Variants in HIRIP3 observed in about 807,000 individuals in gnomAD.
The protein encoded by HIRIP3 is HIRA interacting protein 3, also known as HIRA-interacting protein 3.
A neutral mutation model predicts 50.3 loss-of-function variants in HIRIP3; 40 were observed. That is an observed-to-expected ratio of 0.79 (90% CI 0.62 to 1.03). The LOEUF (loss-of-function observed/expected upper bound fraction) is 1.03. Ranked by LOEUF, HIRIP3 falls within the 50% of genes least tolerant of loss-of-function variation. The pLI is 0.00. For synonymous variants in HIRIP3, 318 were observed against 261.6 expected (o/e 1.22, Z -2.08); for missense variants, 765 against 705.4 (o/e 1.08, Z -0.96).
upstream of HIRIP3, chr16:29,996,023 T>C: frequency 1.7e-6 from 1 of 582,048 alleles, no homozygotes; most frequent in Non-Finnish European, 3.1e-6. Flanking sequence ...GCTTCAAGTG[T>C]CTAAGTACAT....
chr16:29,994,572 C>A lies in HIRIP3; in HGVS notation c.573G>T (p.Gln191His). The change falls in exon 4 of 7, where the codon CAG (glutamine) becomes CAT (histidine). Residue 191 changes from glutamine (Q) to histidine (H), a missense_variant. Coordinates refer to ENST00000279392, the MANE Select transcript of HIRIP3 (RefSeq NM_003609.5). ...APGKASVSRK[Q>H]AREESEESEA... ...CGCTCTCCTCACTTTCTTCCCTGGC[C>A]TGCTTCCTACTGACTGAGGCCTTGC... 6.2e-7 allele frequency: 1 copy of A among 1,614,204 alleles called. No homozygotes were observed. The highest frequency in any genetic ancestry group is 8.5e-7 in the Non-Finnish European group (1 of 1,180,038).
rs2070013709 is a variant in HIRIP3 at position 29,993,564 on chromosome 16, C to T, written c.1409-7G>A. 1.1e-5 allele frequency: 17 copies of T among 1,612,860 alleles called. No individual in the cohort carries two copies. The highest frequency in any genetic ancestry group is 1.4e-5 in the Non-Finnish European group (17 of 1,179,256). The stretch of plus-strand genomic sequence containing the variant: ...TTCCCTAGGGAAGGGGTACCTGGGG[C>T]AGAAGAAGCTGGTGATTCTCTCCTC... On this transcript the variant is annotated splice_polypyrimidine_tract_variant and splice_region_variant and intron_variant, in intron 5 of 6. Transcript: ENST00000279392.
Position 29,994,601 on chromosome 16 carries a change from G to T in HIRIP3, c.544C>A (p.Pro182Thr), listed in dbSNP as rs1379152438. The T allele has an allele frequency of 6.2e-7, 1 of 1,614,034 alleles. No individual in the cohort carries two copies. Among genetic ancestry groups the T allele is most frequent in the African/African-American group, 1.3e-5 (1 of 74,986 alleles). ...TTCCTACTGACTGAGGCCTTGCCTG[G>T]TGCCTGCTTCTTTACCACAGGTTTC... Reference protein sequence around the residue: ...RKKPVVKKQAPGKASVSRKQA... With the variant: ...RKKPVVKKQATGKASVSRKQA... Residue 182 changes from proline (P) to threonine (T), a missense_variant, in exon 4 of 7, where the codon CCA becomes ACA. Transcript: ENST00000279392.
At position 29,995,524 on chromosome 16, in the gene HIRIP3, T is replaced by C; in HGVS notation, c.65+17A>G. On this transcript the variant is annotated intron_variant, in intron 1 of 6. Coordinates refer to ENST00000279392, the MANE Select transcript of HIRIP3 (RefSeq NM_003609.5). The stretch of plus-strand genomic sequence containing the variant: ...CACCCGCGCCCTTTCCAACCCCATC[T>C]CCAACCCCCTGGGCACCTGAGGTCC... The C allele has an allele frequency of 6.2e-7, 1 of 1,613,342 alleles. No homozygotes were observed. Among genetic ancestry groups the C allele is most frequent in the East Asian group, 2.2e-5 (1 of 44,872 alleles).
Position 29,995,209 on chromosome 16 carries a change from T to C in HIRIP3, c.195A>G (p.Glu65=). ...EEELLKMQVD[E]AASREDKLDL... is the part of the protein sequence containing the mutation. ...CCAGTTTGTCTTCCCTGGAAGCGGC[T>C]TCATCCACCTGTGTGTGCGCCAAGA... is the stretch of plus-strand genomic sequence containing the variant. Residue 65 remains glutamate, a synonymous_variant, in exon 3 of 7, where the codon GAA becomes GAG. Coordinates refer to ENST00000279392, the MANE Select transcript of HIRIP3 (RefSeq NM_003609.5). 6.2e-7 allele frequency: 1 copy of C among 1,614,236 alleles called. No homozygotes were observed. Among genetic ancestry groups the C allele is most frequent in the Non-Finnish European group, 8.5e-7 (1 of 1,180,038 alleles).
rs2070047744 is a variant in HIRIP3 at position 29,994,684 on chromosome 16, T to C, written c.461A>G (p.Gln154Arg). The change falls in exon 4 of 7, where the codon CAG becomes CGG. Residue 154 changes from glutamine (Q) to arginine (R), a missense_variant. Coordinates refer to ENST00000279392, the MANE Select transcript of HIRIP3 (RefSeq NM_003609.5). ...DEERQRDLPA[Q>R]RGEESSEEEE... The stretch of plus-strand genomic sequence containing the variant: ...CTCCTCACTGCTCTCCTCTCCCCTC[T>C]GTGCGGGCAGGTCCCTCTGCCGTTC... The C allele has an allele frequency of 1.9e-6, 3 of 1,614,176 alleles. No individual in the cohort carries two copies. Among genetic ancestry groups the C allele is most frequent in the South Asian group, 1.1e-5 (1 of 91,092 alleles).
Position 29,993,212 on chromosome 16 carries a change from T to G in HIRIP3, c.1666A>C (p.Asn556His). 2.5e-6 allele frequency: 4 copies of G among 1,591,990 alleles called. No individual in the cohort carries two copies. The highest frequency in any genetic ancestry group is 3.4e-6 in the Non-Finnish European group (4 of 1,168,316). ...CCTCCTGGGGGTGGCAGAGCTCAGT[T>G]ACTCTCGCCATCACTGCTGATGATG... ...RGIISSDGES[N>H] Residue 556 changes from asparagine to histidine, a missense_variant, in exon 7 of 7, where the codon AAC becomes CAC. By Grantham distance (68) the Asn-to-His change is moderately conservative. Coordinates refer to ENST00000279392, the MANE Select transcript of HIRIP3 (RefSeq NM_003609.5).
chr16:29,995,652 C>T (rs913841475), upstream of HIRIP3: 21 of 1,600,892 alleles, frequency 1.3e-5, 1 homozygote, highest in Admixed American at 1.2e-4. Context: ...TTCTTCTCGG[C>T]CTCCGTCAGC....
In HIRIP3 at chr16:29,993,487, C is replaced by G; in HGVS notation, c.1479G>C (p.Leu493Phe). 6.2e-7 allele frequency: 1 copy of G among 1,613,782 alleles called. No individual in the cohort carries two copies. The highest frequency in any genetic ancestry group is 1.1e-5 in the South Asian group (1 of 91,074). The change falls in exon 6 of 7, where the codon TTG becomes TTC. Residue 493 changes from leucine (L) to phenylalanine (F), a missense_variant. By Grantham distance (22) the Leu-to-Phe change is conservative (BLOSUM62 0). Transcript: ENST00000279392. ...AGCCACTGATGATGTTCGCAACATC[C>G]AAGGAGGCCACCTCAGCTGCCTCCT... is the stretch of plus-strand genomic sequence containing the variant. ...QREEAAEVAS[L>F]DVANIISGSG...
Position 29,993,794 on chromosome 16 carries a change from G to A in HIRIP3, c.1254C>T (p.Arg418=). Residue 418 remains arginine (R), a synonymous_variant, in exon 5 of 7, where the codon CGC becomes CGT. Coordinates refer to ENST00000279392, the MANE Select transcript of HIRIP3 (RefSeq NM_003609.5). The part of the protein sequence containing the change: ...EAKGGKAGSG[R]RGEDHPAVMR... ...TCACAGCCGGGTGGTCCTCTCCACGGCGACCTGAGCCAGCCTAGCAAGGAA... is the reference window on the plus strand; with the variant it reads ...TCACAGCCGGGTGGTCCTCTCCACGACGACCTGAGCCAGCCTAGCAAGGAA... 1.2e-6 allele frequency: 2 copies of A among 1,612,350 alleles called. No individual in the cohort carries two copies. The highest frequency in any genetic ancestry group is 8.5e-7 in the Non-Finnish European group (1 of 1,179,994).
At position 29,995,327 on chromosome 16, in the gene HIRIP3, C is replaced by A; in HGVS notation, c.186+16G>T. On this transcript the variant is annotated intron_variant, in intron 2 of 6. Coordinates refer to ENST00000279392, the MANE Select transcript of HIRIP3 (RefSeq NM_003609.5). ...CCGCCTCCGCCTCCCGCGGCCCAGG[C>A]TCCGGCCCGGCACACCTGCATCTTC... 6.2e-7 allele frequency: 1 copy of A among 1,609,094 alleles called. No individual in the cohort carries two copies. The highest frequency in any genetic ancestry group is 8.5e-7 in the Non-Finnish European group (1 of 1,177,560).
intron 2 of HIRIP3, 40 bp from the exon 3 acceptor site, chr16:29,995,257 G>C: frequency 6.2e-7 from 1 of 1,613,312 alleles, no homozygotes; most frequent in East Asian, 2.2e-5. Context: ...CACCAAGGCT[G>C]CGCTCACCGC....
At position 29,993,259 on chromosome 16, in the gene HIRIP3, G is replaced by A. The variant is rs774940355; in HGVS notation, c.1619C>T (p.Pro540Leu). ...GATGCCACGCATATGTGACCAGTCT[G>A]GGGGTGCGGGACGGGGCCGCTCTTC... Reference protein sequence around the residue: ...SDEERPRPAPPDWSHMRGIIS... With the variant: ...SDEERPRPAPLDWSHMRGIIS... The change falls in exon 7 of 7, where the codon CCA (proline) becomes CTA (leucine). Residue 540 changes from proline to leucine, a missense_variant. By Grantham distance (98) the Pro-to-Leu change is moderately conservative. Coordinates refer to ENST00000279392, the MANE Select transcript of HIRIP3 (RefSeq NM_003609.5). 16 of 1,573,134 alleles carry A rather than the reference G, an allele frequency of 1.0e-5. No individual in the cohort carries two copies. The South Asian group carries it at 1.6e-4, about 16-fold the overall frequency.
rs1362955174 is a variant in HIRIP3, at chr16:29,993,202, A to G, written c.*5T>C. The G allele has an allele frequency of 1.3e-6, 2 of 1,589,188 alleles. No individual in the cohort carries two copies. The highest frequency in any genetic ancestry group is 2.7e-5 in the African/African-American group (2 of 74,014). On this transcript the variant is annotated 3_prime_UTR_variant, in exon 7 of 7. Transcript: ENST00000279392. ...ATCAAGGGTCCCTCCTGGGGGTGGC[A>G]GAGCTCAGTTACTCTCGCCATCACT... is the stretch of plus-strand genomic sequence containing the variant.
At chr16:29,995,802 G>A, upstream of HIRIP3, 1 of 643,328 alleles carries the variant, frequency 1.6e-6, no homozygotes, top group East Asian at 2.8e-5. Context: ...GGGTCTCGCG[G>A]CTCCTACCCT....
rs547533863 is a variant in HIRIP3, at chr16:29,993,756, C to G, written c.1292G>C (p.Arg431Pro). Residue 431 changes from arginine to proline, a missense_variant, in exon 5 of 7, where the codon CGC becomes CCC. Coordinates refer to ENST00000279392, the MANE Select transcript of HIRIP3 (RefSeq NM_003609.5). ...ATGGGCACCACAGGCCCGAATGTAG[C>G]GCTTCAGCCTCATCACAGCCGGGTG... ...EDHPAVMRLK[R>P]YIRACGAHRN... The G allele has an allele frequency of 6.2e-7, 1 of 1,609,790 alleles. No individual in the cohort carries two copies. The highest frequency in any genetic ancestry group is 1.7e-5 in the Admixed American group (1 of 60,018).
chr16:29,994,081 A>G lies in HIRIP3; in HGVS notation c.1064T>C (p.Leu355Pro), dbSNP rs1470138636. 2 of 1,613,430 alleles carry G rather than the reference A, an allele frequency of 1.2e-6. No individual in the cohort carries two copies. The highest frequency in any genetic ancestry group is 1.7e-5 in the Admixed American group (1 of 59,892). ...TAKGSRKMAR[L>P]GSTSGEESDL... ...ACTTTCCTCACCACTGGTGCTGCCC[A>G]GTCTGGCCATCTTTCTAGAGCCTTT... Residue 355 changes from leucine to proline, a missense_variant, in exon 4 of 7, where the codon CTG becomes CCG. Transcript: ENST00000279392.
chr16:29,995,023 G>C, intron 3 of HIRIP3, 80 bp downstream of exon 3: 1 of 1,507,754 alleles, frequency 6.6e-7, no homozygotes, highest in South Asian at 1.1e-5. Flanking sequence ...AACGCCTGGG[G>C]ACATAAGAGA....
At position 29,992,425 on chromosome 16, in the gene HIRIP3, G is replaced by C. The variant is rs1390825769; in HGVS notation, c.*782C>G. On this transcript the variant is annotated 3_prime_UTR_variant, in exon 7 of 7. Coordinates refer to ENST00000279392, the MANE Select transcript of HIRIP3 (RefSeq NM_003609.5). The stretch of plus-strand genomic sequence containing the variant: ...TGACCAGATCTCGGATCTCAAAGGT[G>C]GTCTTCAACCCCTTGACCTCTAATT... The C allele has an allele frequency of 6.8e-6, 1 of 148,030 alleles. No homozygotes were observed. The highest frequency in any genetic ancestry group is 1.5e-5 in the Non-Finnish European group (1 of 67,036). 9.2% of individuals were successfully genotyped at this position (148,030 alleles called of 1,614,324 possible). A position where few individuals can be genotyped will look rare whatever the true frequency, so the allele number is the denominator to read the frequency against.
Sources: allele counts gnomAD v4.1 joint callset, GRCh38; gene constraint gnomAD v4.1.1; transcripts MANE v1.5; gene names NCBI Gene and HGNC (gene_info 2026-07-23, HGNC 2026-07-21).